Variants in HAUS8 observed in about 807,000 individuals in gnomAD.
HAUS8 encodes HAUS augmin like complex subunit 8.
In HAUS8, 38 loss-of-function variants were observed where a neutral mutation model predicts 42.9. The observed-to-expected ratio is 0.89, with a 90% CI of 0.68 to 1.16. The LOEUF (loss-of-function observed/expected upper bound fraction) is 1.16, where lower values mean the gene tolerates loss of function less well. Ranked by LOEUF, HAUS8 falls within the 50% of genes most tolerant of loss-of-function variation. HAUS8 has a pLI of 0.00. For missense variants in HAUS8, 494 were observed against 511.6 expected, an observed-to-expected ratio of 0.97 and a Z score of 0.33; for synonymous variants, 199 against 205.8, an observed-to-expected ratio of 0.97 and a Z score of 0.28.
At chr19:17,060,796 G>A (rs1311722324) in intron 4 of HAUS8, among the ~76,000 whole-genome samples, 1 of 152,168 alleles carries the variant, frequency 6.6e-6, no homozygotes, top group East Asian at 1.9e-4. Context: ...ATTCTAAACT[G>A]TAAAATTAAG....
Position 17,049,782 on chromosome 19 carries a change from C to CT in HAUS8, c.*90dup. On this transcript the variant is annotated 3_prime_UTR_variant, in exon 11 of 11. Transcript: ENST00000253669. The stretch of plus-strand genomic sequence containing the variant: ...AGGCTTCAATTGCAAAACAGGTTTA[C>CT]TTTTTTATCAAACAAGATTATCACA... 2 of 1,138,062 alleles carry CT rather than the reference C, an allele frequency of 1.8e-6. No individual in the cohort carries two copies. Among genetic ancestry groups the CT allele is most frequent in the Non-Finnish European group, 1.2e-6 (1 of 861,660 alleles). The allele number at this position is 1,138,062 out of a possible 1,614,324, so 70.5% of individuals were successfully genotyped here.
At chr19:17,060,672 T>C (rs2057354951) in intron 4 of HAUS8, among the ~76,000 whole-genome samples, 1 of 152,210 alleles carries the variant, frequency 6.6e-6, no homozygotes, top group South Asian at 2.1e-4. Flanking sequence ...CCTCCCAAAG[T>C]GTTGGGATTA....
At chr19:17,069,865 C>T (rs939506109) in intron 2 of HAUS8, among the ~76,000 whole-genome samples, 5 of 152,072 alleles carry the variant, frequency 3.3e-5, no homozygotes, top group Non-Finnish European at 5.9e-5. Flanking sequence ...GAGACCCTCC[C>T]GCCACCACAT....
intron 4 of HAUS8, among the ~76,000 whole-genome samples, chr19:17,062,433 G>A (rs2057366348): frequency 6.6e-6 from 1 of 152,154 alleles, no homozygotes; most frequent in African/African-American, 2.4e-5. Context: ...CAGTCACATA[G>A]ACAAGAAACT....
intron 3 of HAUS8, among the ~76,000 whole-genome samples, chr19:17,066,454 G>A (rs1202746586): frequency 6.6e-6 from 1 of 152,134 alleles, no homozygotes; most frequent in Non-Finnish European, 1.5e-5. Flanking sequence ...CTTGAGTTCT[G>A]TGAGTCACTC....
chr19:17,062,288 T>C (rs2057365496), intron 4 of HAUS8, among the ~76,000 whole-genome samples: 1 of 152,206 alleles, frequency 6.6e-6, no homozygotes, highest in Non-Finnish European at 1.5e-5. Flanking sequence ...TGTGCCATCA[T>C]GGCCAGCTAA....
chr19:17,072,033 CAAT>C (rs2057428140), intron 2 of HAUS8, among the ~76,000 whole-genome samples: 1 of 152,046 alleles, frequency 6.6e-6, no homozygotes, highest in Non-Finnish European at 1.5e-5. Flanking sequence ...TCCACAGAAG[CAAT>C]ATTATGAAGA....
At chr19:17,056,900 A>T (rs566820184) in intron 8 of HAUS8, among the ~76,000 whole-genome samples, 1 of 152,234 alleles carries the variant, frequency 6.6e-6, no homozygotes, top group African/African-American at 2.4e-5. Flanking sequence ...TATTTTTTAT[A>T]GACAGATCTT....
At chr19:17,060,193 TA>T (rs2057351816) in intron 4 of HAUS8, 101 bp from the exon 5 acceptor site, 1 of 518,160 alleles carries the variant, frequency 1.9e-6, no homozygotes. Context: ...CACTTGCTTC[TA>T]AAAGCCCAAT....
At chr19:17,064,866 G>A (rs34611565) in intron 3 of HAUS8, among the ~76,000 whole-genome samples, 21,998 of 152,154 alleles carry the variant, frequency 0.14, 1,856 homozygotes, top group Non-Finnish European at 0.2. Context: ...GGGCTTCATC[G>A]AAATCGTCAA....
intron 2 of HAUS8, among the ~76,000 whole-genome samples, chr19:17,072,949 CAAAA>C (rs201634583): frequency 7.1e-5 from 6 of 84,762 alleles, no homozygotes; most frequent in Admixed American, 1.3e-4. Flanking sequence ...GACCCCAACT[CAAAA>C]AAAAAAAAAA....
At chr19:17,068,217 G>A (rs2057399568) in intron 3 of HAUS8, among the ~76,000 whole-genome samples, 1 of 149,552 alleles carries the variant, frequency 6.7e-6, no homozygotes, top group Non-Finnish European at 1.5e-5. Flanking sequence ...AGGTTCAAGC[G>A]ATTCTCCTGC....
intron 9 of HAUS8, among the ~76,000 whole-genome samples, chr19:17,053,909 C>T (rs751096266): frequency 3.1e-4 from 47 of 152,064 alleles, no homozygotes; most frequent in Non-Finnish European, 5.7e-4. Context: ...GTGATCCACC[C>T]GCCTCAGCCT....
At chr19:17,051,057 C>T (rs2057284500) in intron 10 of HAUS8, among the ~76,000 whole-genome samples, 1 of 152,076 alleles carries the variant, frequency 6.6e-6, no homozygotes, top group South Asian at 2.1e-4. Flanking sequence ...GAAATCCTGT[C>T]TCAATAATAA....
chr19:17,056,648 C>T (rs1201586714), intron 8 of HAUS8, among the ~76,000 whole-genome samples: 5 of 151,960 alleles, frequency 3.3e-5, no homozygotes, highest in Admixed American at 6.6e-5. Flanking sequence ...TGGAGTGCAG[C>T]GGCGCAGTCT....
chr19:17,059,751 C>T lies in HAUS8; in HGVS notation c.326-100G>A, dbSNP rs914786632. 1.0e-5 allele frequency: 8 copies of T among 791,574 alleles called. No individual in the cohort carries two copies. In the Admixed American group the frequency reaches 1.0e-4, roughly 10 times the overall value. 49.0% of individuals were successfully genotyped at this position (791,574 alleles called of 1,614,324 possible). A position where few individuals can be genotyped will look rare whatever the true frequency, so the allele number is the denominator to read the frequency against. ...TGATGGGTTTATTGGGATGTAACCC[C>T]ATCATAAATTGAGGAGTATATGGAC... On this transcript the variant is annotated intron_variant, in intron 5 of 10. Coordinates refer to ENST00000253669, the MANE Select transcript of HAUS8 (RefSeq NM_033417.2).
At chr19:17,059,798 T>C in intron 5 of HAUS8, 147 bp from the exon 6 acceptor site, 1 of 681,260 alleles carries the variant, frequency 1.5e-6, no homozygotes, top group East Asian at 2.7e-5. Flanking sequence ...CAGTTAAAGT[T>C]GTTCAACTTT....
intron 10 of HAUS8, chr19:17,052,101 T>C (rs1568633253): frequency 1.3e-5 from 2 of 151,888 alleles, no homozygotes; most frequent in African/African-American, 2.4e-5. Context: ...AATCATGACA[T>C]TGCACTTAAG....
chr19:17,054,292 C>T (rs1382511666), intron 9 of HAUS8, among the ~76,000 whole-genome samples: 5 of 152,124 alleles, frequency 3.3e-5, no homozygotes, highest in Admixed American at 3.3e-4. Context: ...CAGGAACTAC[C>T]TAAGGAACTG....
Sources: allele counts gnomAD v4.1 joint callset (sites outside exome capture counted in the v4.1 genomes callset), GRCh38; gene constraint gnomAD v4.1.1; transcripts MANE v1.5; gene names NCBI Gene and HGNC (gene_info 2026-07-23, HGNC 2026-07-21).